The following CLNK variants were observed in gnomAD, a reference collection of about 807,000 sequenced individuals.
CLNK encodes the protein cytokine-dependent hematopoietic cell linker.
A neutral mutation model predicts 68.6 loss-of-function variants in CLNK; 74 were observed. The ratio of observed to expected loss-of-function variants is 1.08; its 90% CI spans 0.89 to 1.31. CLNK has a LOEUF of 1.31. Among genes scored for constraint, CLNK ranks in the 50% most tolerant of loss-of-function variants. The pLI, the probability that CLNK is intolerant of heterozygous loss-of-function variation, is 0.00. For missense variants in CLNK, 553 were observed against 515.3 expected (o/e 1.07, Z -0.71); for synonymous variants, 198 against 172.2 (o/e 1.15, Z -1.17).
chr4:10,571,915 T>C (rs906162878), intron 4 of CLNK, 137 bp from the exon 5 acceptor site: 3 of 660,570 alleles, frequency 4.5e-6, no homozygotes, highest in Non-Finnish European at 7.9e-6. Flanking sequence ...TTTTCAAAAC[T>C]AAAGTGCATT....
intron 2 of CLNK, among the ~76,000 whole-genome samples, chr4:10,663,139 T>G (rs944350664): frequency 2.0e-5 from 3 of 152,226 alleles, no homozygotes; most frequent in African/African-American, 7.2e-5. Context: ...GAAGAGGTAC[T>G]GGAAACCAAA....
chr4:10,524,251 G>T (rs1718209711), intron 14 of CLNK, among the ~76,000 whole-genome samples: 1 of 152,128 alleles, frequency 6.6e-6, no homozygotes, highest in Admixed American at 6.6e-5. Context: ...AATTACTGAA[G>T]GTGCCAAATG....
intron 1 of CLNK, among the ~76,000 whole-genome samples, chr4:10,673,988 A>G (rs940103633): frequency 6.6e-6 from 1 of 152,188 alleles, no homozygotes; most frequent in Non-Finnish European, 1.5e-5. Flanking sequence ...CTGGTTAGCC[A>G]CAGAAATAAA....
At chr4:10,577,719 G>T (rs1243867600) in intron 4 of CLNK, among the ~76,000 whole-genome samples, 1 of 151,942 alleles carries the variant, frequency 6.6e-6, no homozygotes, top group African/African-American at 2.4e-5. Flanking sequence ...GGTCTCTGAG[G>T]ACTTTCAGGA....
chr4:10,612,439 C>T (rs554528486), intron 2 of CLNK, among the ~76,000 whole-genome samples: 6 of 152,270 alleles, frequency 3.9e-5, no homozygotes, highest in African/African-American at 1.4e-4. Flanking sequence ...TTCCTGTTGA[C>T]AACATTTCAG....
chr4:10,510,338 A>G (rs572787783), intron 16 of CLNK, among the ~76,000 whole-genome samples: 18 of 152,288 alleles, frequency 1.2e-4, no homozygotes, highest in African/African-American at 4.3e-4. Flanking sequence ...TGCCATTTCT[A>G]ATCTCTTCTT....
chr4:10,542,031 G>T lies in CLNK; in HGVS notation c.482C>A (p.Pro161Gln). ...TTTTAAAGTGTTTTACCGAGGAGGT[G>T]GTAAAGGAATCTGAAAAAGAAAAGA... Reference protein sequence around the residue: ...ASVRKNKIPLPPPRPLITLPK... With the variant: ...ASVRKNKIPLQPPRPLITLPK... The change falls in exon 10 of 19, where the codon CCA (proline) becomes CAA (glutamine). Residue 161 changes from proline to glutamine, a missense_variant. Transcript: ENST00000226951. The T allele has an allele frequency of 6.3e-7, 1 of 1,590,180 alleles. No homozygotes were observed.
At chr4:10,522,146 C>T (rs1811224) in intron 14 of CLNK, among the ~76,000 whole-genome samples, 150,121 of 151,670 alleles carry the variant, frequency 0.99, 74,323 homozygotes, top group East Asian at 1. Flanking sequence ...TAGTCCCAGC[C>T]ACTAGGGAGG....
intron 1 of CLNK, among the ~76,000 whole-genome samples, chr4:10,669,812 G>C (rs1724556821): frequency 1.3e-5 from 2 of 152,144 alleles, no homozygotes; most frequent in Non-Finnish European, 2.9e-5. Context: ...GAAAGGGGAG[G>C]CGGCTGTTAG....
chr4:10,668,990 A>T (rs1724520653), intron 1 of CLNK, among the ~76,000 whole-genome samples: 1 of 152,192 alleles, frequency 6.6e-6, no homozygotes, highest in Non-Finnish European at 1.5e-5. Flanking sequence ...GATACCCAGG[A>T]AGATTTAATT....
At chr4:10,623,319 C>G (rs1406719365) in intron 2 of CLNK, among the ~76,000 whole-genome samples, 1 of 152,136 alleles carries the variant, frequency 6.6e-6, no homozygotes, top group African/African-American at 2.4e-5. Context: ...AGAGAAGCAG[C>G]CGTCTTATAG....
intron 3 of CLNK, among the ~76,000 whole-genome samples, chr4:10,589,639 C>G (rs186379517): frequency 6.9e-6 from 1 of 145,656 alleles, no homozygotes; most frequent in Non-Finnish European, 1.5e-5. Context: ...TGGGACCAGC[C>G]GCCTAGGGTC....
Position 10,489,139 on chromosome 4 carries a change from G to A in CLNK, c.*1328C>T, listed in dbSNP as rs985966519. The A allele has an allele frequency of 3.3e-5, 5 of 152,004 alleles. No homozygotes were observed. Among genetic ancestry groups the A allele is most frequent in the Non-Finnish European group, 5.9e-5 (4 of 68,010 alleles). 9.4% of individuals were successfully genotyped at this position (152,004 alleles called of 1,614,324 possible). ...GCGCAGAGAATGTACCTGGGAAGATGAGCTTGCATGGAGCCAGGCAAAGCA... is the reference window on the plus strand; with the variant it reads ...GCGCAGAGAATGTACCTGGGAAGATAAGCTTGCATGGAGCCAGGCAAAGCA... On this transcript the variant is annotated 3_prime_UTR_variant, in exon 19 of 19. Coordinates refer to ENST00000226951, the MANE Select transcript of CLNK (RefSeq NM_052964.4).
chr4:10,549,520 G>A (rs1719365010), intron 8 of CLNK, among the ~76,000 whole-genome samples: 1 of 152,160 alleles, frequency 6.6e-6, no homozygotes, highest in Admixed American at 6.5e-5. Flanking sequence ...GAATGTTTAT[G>A]AAATAAACAA....
At chr4:10,588,772 T>C (rs952344972) in intron 3 of CLNK, among the ~76,000 whole-genome samples, 7 of 152,116 alleles carry the variant, frequency 4.6e-5, no homozygotes, top group Non-Finnish European at 8.8e-5. Flanking sequence ...ACATCTAAAA[T>C]AGTCAAACTC....
intron 8 of CLNK, among the ~76,000 whole-genome samples, chr4:10,552,951 A>G (rs1719518511): frequency 1.3e-5 from 2 of 151,998 alleles, no homozygotes; most frequent in Admixed American, 1.3e-4. Context: ...CCTTTTCTTC[A>G]CATTGTGATG....
At chr4:10,730,478 A>G in the CLNK span, among the ~76,000 whole-genome samples, 12 of 152,108 alleles carry the variant, frequency 7.9e-5, no homozygotes, top group Non-Finnish European at 1.6e-4. Flanking sequence ...CTTGAACTCT[A>G]CATTGAATTT....
Position 10,672,492 on chromosome 4 carries a change from A to G in CLNK, c.-42-4581T>C, listed in dbSNP as rs150693055. ...AGACATGGGGGAAATAGTGGTTAAT[A>G]TGAATCTGAACTTGAAGATTAATTA... On this transcript the variant is annotated intron_variant, in intron 1 of 18. Coordinates refer to ENST00000226951, the MANE Select transcript of CLNK (RefSeq NM_052964.4). Among the ~76,000 whole-genome samples, 623 of 152,310 alleles carry G rather than the reference A, an allele frequency of 4.1e-3. 7 individuals carry two copies. The highest frequency in any genetic ancestry group is 0.014 in the African/African-American group (584 of 41,572).
chr4:10,713,608 C>T, the CLNK span, among the ~76,000 whole-genome samples: 2 of 152,078 alleles, frequency 1.3e-5, no homozygotes, highest in African/African-American at 2.4e-5. Flanking sequence ...TGTTAAAATT[C>T]GATCTCCAGT....
Sources: allele counts gnomAD v4.1 joint callset (sites outside exome capture counted in the v4.1 genomes callset), GRCh38; gene constraint gnomAD v4.1.1; transcripts MANE v1.5; gene names NCBI Gene and HGNC (gene_info 2026-07-23, HGNC 2026-07-21).